Variants in TBKBP1 observed in about 807,000 individuals in gnomAD.
TBKBP1 encodes TBK1 binding protein 1, also known as TANK-binding kinase 1-binding protein 1.
TBKBP1 carries 47 observed loss-of-function variants against 69.9 expected under a neutral mutation model. The observed-to-expected ratio is 0.67, with a 90% CI of 0.53 to 0.86. TBKBP1 has a LOEUF of 0.86. TBKBP1 is among the 40% of genes least tolerant of loss of function. The probability of loss-of-function intolerance (pLI) is 0.00; values close to 1 mark genes in which losing one functional copy is unlikely to be tolerated. For synonymous variants in TBKBP1, 418 were observed against 390.3 expected, an observed-to-expected ratio of 1.07 and a Z score of -0.84; for missense variants, 831 against 858.6, an observed-to-expected ratio of 0.97 and a Z score of 0.40.
chr17:47,706,951 A>G (rs1242111021), intron 7 of TBKBP1, among the ~76,000 whole-genome samples: 2 of 151,964 alleles, frequency 1.3e-5, no homozygotes, highest in East Asian at 3.9e-4. Flanking sequence ...TCCCATCCAC[A>G]TGTCCATCAC....
rs1177359165 is a variant in TBKBP1, at chr17:47,709,209, C to T, written c.1476C>T (p.Tyr492=). The change falls in exon 9 of 10, where the codon TAC becomes TAT. Residue 492 remains tyrosine (Y), a synonymous_variant. Coordinates refer to ENST00000578982, the MANE Select transcript of TBKBP1 (RefSeq NM_001394755.1). ...EAATLPKPRA[Y]GSELYGPGRP... is the part of the protein sequence containing the mutation. ...CCACTCTCCCCAAGCCCCGGGCCTA[C>T]GGCAGCGAGCTCTACGGCCCTGGCA... 7.2e-6 allele frequency: 11 copies of T among 1,517,836 alleles called. No individual in the cohort carries two copies. The highest frequency in any genetic ancestry group is 9.6e-6 in the Non-Finnish European group (11 of 1,142,136). The allele number at this position is 1,517,836 out of a possible 1,614,324, so 94.0% of individuals were successfully genotyped here.
Position 47,696,234 on chromosome 17 carries a change from A to C in TBKBP1, c.122A>C (p.His41Pro). 1 of 1,613,702 alleles carries C rather than the reference A, an allele frequency of 6.2e-7. No homozygotes were observed. The highest frequency in any genetic ancestry group is 1.1e-5 in the South Asian group (1 of 91,080). Residue 41 changes from histidine to proline, a missense_variant, in exon 2 of 10, where the codon CAC becomes CCC. Transcript: ENST00000578982. ...GGGGGCGACATGTGCTCCGCCTCCC[A>C]CTTTGCCCTCATCACTGCTTACGGA... ...SLGGDMCSAS[H>P]FALITAYGDI...
intron 2 of TBKBP1, 127 bp downstream of exon 2, chr17:47,696,464 C>T: frequency 8.3e-7 from 1 of 1,202,922 alleles, no homozygotes; most frequent in Non-Finnish European, 1.2e-6. Context: ...TGAGGGTCTC[C>T]CATGAGAGAC....
At position 47,708,705 on chromosome 17, in the gene TBKBP1, C is replaced by A; in HGVS notation, c.992-20C>A. 6.7e-7 allele frequency: 1 copy of A among 1,482,372 alleles called. No individual in the cohort carries two copies. Among genetic ancestry groups the A allele is most frequent in the Non-Finnish European group, 8.9e-7 (1 of 1,121,950 alleles). 91.8% of individuals were successfully genotyped at this position (1,482,372 alleles called of 1,614,324 possible). A position where few individuals can be genotyped will look rare whatever the true frequency, so the allele number is the denominator to read the frequency against. On this transcript the variant is annotated intron_variant, in intron 8 of 9. Coordinates refer to ENST00000578982, the MANE Select transcript of TBKBP1 (RefSeq NM_001394755.1). The surrounding 1 kb of genome is among the most constrained non-coding windows in gnomAD (Gnocchi z 4.4). ...TCTCTGCACCTTTGTCCCCCCACCCCGTCCCGGTTTCTCTTCCAGGCCAGA... is the reference window on the plus strand; with the variant it reads ...TCTCTGCACCTTTGTCCCCCCACCCAGTCCCGGTTTCTCTTCCAGGCCAGA...
chr17:47,696,599 GAGA>G (rs1370530555), intron 2 of TBKBP1, 109 bp from the exon 3 acceptor site: 19 of 1,537,396 alleles, frequency 1.2e-5, no homozygotes, highest in African/African-American at 5.6e-5. Flanking sequence ...ACTAGCCAAG[GAGA>G]AGGAGGGTCA....
chr17:47,694,686 C>T (rs1257033224), intron 1 of TBKBP1: 3 of 152,048 alleles, frequency 2.0e-5, no homozygotes, highest in East Asian at 3.9e-4. Flanking sequence ...GGACAGAGCC[C>T]CGCCAGCGGG....
chr17:47,708,395 G>T lies in TBKBP1; in HGVS notation c.874G>T (p.Val292Leu), dbSNP rs2031770533. The change falls in exon 8 of 10, where the codon GTG (valine) becomes TTG (leucine). Residue 292 changes from valine (V) to leucine (L), a missense_variant and splice_region_variant. Coordinates refer to ENST00000578982, the MANE Select transcript of TBKBP1 (RefSeq NM_001394755.1). The surrounding 1 kb of genome is among the most constrained non-coding windows in gnomAD (Gnocchi z 4.4). ...TTTCCCACTGCCCTCTGACTTCAGG[G>T]TGAATTTGGCGCTGGCCTACACCGA... ...AWVKRVGDDQVNLALAYTELT... is the reference protein window; with the variant it reads ...AWVKRVGDDQLNLALAYTELT... 1 of 1,613,878 alleles carries T rather than the reference G, an allele frequency of 6.2e-7. No individual in the cohort carries two copies. The highest frequency in any genetic ancestry group is 8.5e-7 in the Non-Finnish European group (1 of 1,179,784).
rs1411161197 is a variant in TBKBP1 at position 47,708,966 on chromosome 17, G to A, written c.1233G>A (p.Pro411=). The stretch of plus-strand genomic sequence containing the variant: ...CGCCGTCGTGCCAGTCCCCCAGCCC[G>A]CAGCGCCGTTCCCCGGTGCCCCCCA... ...PVPPSCQSPS[P]QRRSPVPPSC... is the part of the protein sequence containing the mutation. The change falls in exon 9 of 10, where the codon CCG becomes CCA. Residue 411 remains proline, a synonymous_variant. Transcript: ENST00000578982. The surrounding 1 kb of genome is among the most constrained non-coding windows in gnomAD (Gnocchi z 4.4). 7 of 1,149,796 alleles carry A rather than the reference G, an allele frequency of 6.1e-6. No homozygotes were observed. The highest frequency in any genetic ancestry group is 2.8e-5 in the South Asian group (1 of 35,188). The allele number at this position is 1,149,796 out of a possible 1,614,324, so 71.2% of individuals were successfully genotyped here. A position where few individuals can be genotyped will look rare whatever the true frequency, so the allele number is the denominator to read the frequency against.
chr17:47,694,893 G>GT (rs945969611), intron 1 of TBKBP1, among the ~76,000 whole-genome samples: 4 of 151,174 alleles, frequency 2.6e-5, no homozygotes, highest in Admixed American at 1.3e-4. Context: ...GGCGGAGGGG[G>GT]GGGGGTGGAT....
intron 7 of TBKBP1, among the ~76,000 whole-genome samples, chr17:47,706,869 A>ACG (rs1491378195): frequency 1.3e-5 from 2 of 148,256 alleles, no homozygotes; most frequent in Admixed American, 1.3e-4. Context: ...ACACACACAC[A>ACG]CGCACACACC....
At chr17:47,707,073 A>G (rs370339192) in intron 7 of TBKBP1, among the ~76,000 whole-genome samples, 15 of 152,332 alleles carry the variant, frequency 9.8e-5, no homozygotes, top group African/African-American at 3.4e-4. Flanking sequence ...ATTTTCTCCC[A>G]GCTCCATCTT....
intron 7 of TBKBP1, among the ~76,000 whole-genome samples, chr17:47,705,552 A>C (rs1021026507): frequency 6.6e-6 from 1 of 152,076 alleles, no homozygotes; most frequent in African/African-American, 2.4e-5. Flanking sequence ...CACTTACCTG[A>C]CCCATTCTTC....
rs2031803480 is a variant in TBKBP1 at position 47,708,934 on chromosome 17, C to T, written c.1201C>T (p.Pro401Ser). The T allele has an allele frequency of 1.6e-6, 2 of 1,267,186 alleles. No homozygotes were observed. Among genetic ancestry groups the T allele is most frequent in the South Asian group, 1.7e-5 (1 of 58,734 alleles). The allele number at this position is 1,267,186 out of a possible 1,614,324, so 78.5% of individuals were successfully genotyped here. A position where few individuals can be genotyped will look rare whatever the true frequency, so the allele number is the denominator to read the frequency against. Residue 401 changes from proline (P) to serine (S), a missense_variant, in exon 9 of 10, where the codon CCG becomes TCG. By Grantham distance (74) the Pro-to-Ser change is moderately conservative. Transcript: ENST00000578982. This position sits in a 1 kb window ranked among gnomAD's most constrained non-coding sequence, Gnocchi z 4.4. ...CPSPVPQRRS[P>S]VPPSCQSPSP... ...GTCGCCCGTCCCGCAGCGCCGCTCG[C>T]CGGTGCCGCCGTCGTGCCAGTCCCC...
In TBKBP1 at chr17:47,708,767, C is replaced by T; in HGVS notation, c.1034C>T (p.Pro345Leu). 2.7e-6 allele frequency: 3 copies of T among 1,129,600 alleles called. No homozygotes were observed. Among genetic ancestry groups the T allele is most frequent in the Non-Finnish European group, 3.7e-6 (3 of 801,736 alleles). 70.0% of individuals were successfully genotyped at this position (1,129,600 alleles called of 1,614,324 possible). ...SPLSQRHSPA[P>L]QCPSPSPPAR... ...CTGTCACAACGCCACTCCCCGGCCC[C>T]CCAGTGCCCCTCCCCCTCCCCGCCT... The change falls in exon 9 of 10, where the codon CCC becomes CTC. Residue 345 changes from proline (P) to leucine (L), a missense_variant. By Grantham distance (98) the Pro-to-Leu change is moderately conservative (BLOSUM62 -3). Transcript: ENST00000578982. The surrounding 1 kb of genome is among the most constrained non-coding windows in gnomAD (Gnocchi z 4.4).
At chr17:47,704,744 A>G (rs1428005109) in intron 7 of TBKBP1, among the ~76,000 whole-genome samples, 1 of 152,162 alleles carries the variant, frequency 6.6e-6, no homozygotes, top group African/African-American at 2.4e-5. Context: ...CCCCACTCCT[A>G]GTCTGACCCT....
Position 47,708,594 on chromosome 17 carries a change from G to C in TBKBP1, c.991+82G>C, listed in dbSNP as rs1360856399. 10 of 1,523,912 alleles carry C rather than the reference G, an allele frequency of 6.6e-6. No individual in the cohort carries two copies. Among genetic ancestry groups the C allele is most frequent in the South Asian group, 4.7e-5 (4 of 85,598 alleles). The allele number at this position is 1,523,912 out of a possible 1,614,324, so 94.4% of individuals were successfully genotyped here. A position where few individuals can be genotyped will look rare whatever the true frequency, so the allele number is the denominator to read the frequency against. ...CCATGGCAACCATCTTGGTCATGGG[G>C]ACCACCCTTTATTTCCTTTCCTGTG... On this transcript the variant is annotated intron_variant, in intron 8 of 9. Transcript: ENST00000578982. This position sits in a 1 kb window ranked among gnomAD's most constrained non-coding sequence, Gnocchi z 4.4.
rs189102159 is a variant in TBKBP1 at position 47,695,016 on chromosome 17, A to G, written c.-35+822A>G. ...GCCGAGCCCCCTCTCCGGGGTGCAC[A>G]TAACGCTCCAGCGCGCGCACACACC... On this transcript the variant is annotated intron_variant, in intron 1 of 9. Transcript: ENST00000578982. Among the ~76,000 whole-genome samples the G allele has an allele frequency of 3.5e-4, 53 of 151,482 alleles. 1 individual carries two copies. The East Asian group carries it at 8.0e-3, about 23-fold the overall frequency.
intron 7 of TBKBP1, among the ~76,000 whole-genome samples, chr17:47,706,901 C>T (rs1597967156): frequency 1.3e-5 from 2 of 151,498 alleles, no homozygotes; most frequent in East Asian, 3.9e-4. Context: ...TCACGCCTTT[C>T]CTCATTCATC....
chr17:47,706,783 C>G (rs945653596), intron 7 of TBKBP1, among the ~76,000 whole-genome samples: 20 of 151,760 alleles, frequency 1.3e-4, no homozygotes, highest in African/African-American at 4.6e-4. Context: ...CCCTCTGAAG[C>G]CCTAACCTCA....
Sources: allele counts gnomAD v4.1 joint callset (sites outside exome capture counted in the v4.1 genomes callset), GRCh38; gene constraint gnomAD v4.1.1; non-coding constraint Gnocchi (gnomAD v3.1); transcripts MANE v1.5; gene names NCBI Gene and HGNC (gene_info 2026-07-23, HGNC 2026-07-21).